LSAMP: variants seen among roughly 807,000 people sequenced by gnomAD.
LSAMP encodes limbic system associated membrane protein.
A neutral mutation model predicts 38.6 loss-of-function variants in LSAMP; 7 were observed. The ratio of observed to expected loss-of-function variants is 0.18; its 90% CI spans 0.10 to 0.34. The LOEUF is 0.34. Among genes scored for constraint, LSAMP ranks in the 10% least tolerant of loss-of-function variants. LSAMP has a pLI of 1.00. For missense variants in LSAMP, 313 were observed against 420.0 expected (o/e 0.75, Z 2.23); for synonymous variants, 154 against 166.8 (o/e 0.92, Z 0.59).
intron 1 of LSAMP, among the ~76,000 whole-genome samples, chr3:116,367,495 CTTTT>C (rs751600891): frequency 7.5e-6 from 1 of 133,350 alleles, no homozygotes; most frequent in Non-Finnish European, 1.6e-5. Flanking sequence ...TATTTTCTTC[CTTTT>C]TTTTTTTTTT....
chr3:116,339,779 T>C (rs1021412165), intron 1 of LSAMP, among the ~76,000 whole-genome samples: 13 of 152,006 alleles, frequency 8.6e-5, no homozygotes. Context: ...TTGGCTGACT[T>C]CCCCAGCTGA....
chr3:116,151,035 C>A (rs1305124663), intron 1 of LSAMP, among the ~76,000 whole-genome samples: 2 of 151,938 alleles, frequency 1.3e-5, no homozygotes, highest in African/African-American at 4.8e-5. Context: ...GGGGACATAG[C>A]CACTCCCTGT....
intron 1 of LSAMP, among the ~76,000 whole-genome samples, chr3:116,246,558 C>T (rs1001536697): frequency 3.3e-5 from 5 of 152,170 alleles, no homozygotes; most frequent in African/African-American, 1.2e-4. Context: ...CCTAGTTTGT[C>T]TGAGAAAATT....
intron 2 of LSAMP, among the ~76,000 whole-genome samples, chr3:116,060,980 C>G (rs576587994): frequency 2.0e-5 from 3 of 151,884 alleles, no homozygotes; most frequent in African/African-American, 7.2e-5. Context: ...AGTTTACTTT[C>G]TAGTAGACAG....
At chr3:116,098,910 T>C (rs982389192) in intron 1 of LSAMP, among the ~76,000 whole-genome samples, 1 of 152,238 alleles carries the variant, frequency 6.6e-6, no homozygotes, top group Non-Finnish European at 1.5e-5. Flanking sequence ...AAAGCCCATC[T>C]GGGAGAGCTC....
chr3:116,019,760 A>C, intron 2 of LSAMP, 120 bp from the exon 3 acceptor site: 1 of 1,118,870 alleles, frequency 8.9e-7, no homozygotes, highest in Admixed American at 1.8e-5. Context: ...TGTGTTAAGA[A>C]GTAGGATGCT....
intron 2 of LSAMP, among the ~76,000 whole-genome samples, chr3:116,026,092 T>G (rs1164325799): frequency 6.6e-6 from 1 of 152,142 alleles, no homozygotes; most frequent in Non-Finnish European, 1.5e-5. Context: ...GCCTACATAT[T>G]TTTTTTCTAT....
chr3:116,088,718 T>C (rs1206776267), intron 1 of LSAMP, among the ~76,000 whole-genome samples: 1 of 152,204 alleles, frequency 6.6e-6, no homozygotes, highest in Non-Finnish European at 1.5e-5. Context: ...ACATTATAGA[T>C]GTATTCTGAA....
intron 1 of LSAMP, among the ~76,000 whole-genome samples, chr3:116,090,243 A>G (rs903573527): frequency 2.6e-5 from 4 of 152,002 alleles, no homozygotes; most frequent in Non-Finnish European, 5.9e-5. Context: ...AAAGAAAAGA[A>G]AATATAGTAA....
At chr3:116,117,316 T>C (rs1303312554) in intron 1 of LSAMP, among the ~76,000 whole-genome samples, 1 of 152,130 alleles carries the variant, frequency 6.6e-6, no homozygotes, top group African/African-American at 2.4e-5. Context: ...TCCCCCCCTA[T>C]TCTTTCTTTA....
At chr3:116,055,324 A>C (rs921742423) in intron 2 of LSAMP, among the ~76,000 whole-genome samples, 1 of 152,210 alleles carries the variant, frequency 6.6e-6, no homozygotes, top group African/African-American at 2.4e-5. Flanking sequence ...ACCTGAAGCC[A>C]AAAGTGGGCA....
rs1329917130 is a variant in LSAMP, at chr3:116,205,992, T to A, written c.156-119436A>T. On this transcript the variant is annotated intron_variant, in intron 1 of 6. Coordinates refer to ENST00000490035, the MANE Select transcript of LSAMP (RefSeq NM_002338.5). ...CAGAAGGAATGGTACCAGTTCCTCC[T>A]TGTACCTCTGGTAGAATTCGGCTGT... 6.6e-5 allele frequency among the ~76,000 whole-genome samples: 10 copies of A among 151,838 alleles called. No individual in the cohort carries two copies. In the South Asian group the frequency reaches 8.3e-4, roughly 13 times the overall value.
intron 1 of LSAMP, among the ~76,000 whole-genome samples, chr3:116,430,047 G>C (rs964470429): frequency 6.6e-6 from 1 of 152,194 alleles, no homozygotes; most frequent in South Asian, 2.1e-4. Context: ...AGACGTAAGA[G>C]ATGAGGTCAG....
intron 3 of LSAMP, among the ~76,000 whole-genome samples, chr3:115,982,341 G>C (rs1295138216): frequency 6.6e-6 from 1 of 152,200 alleles, no homozygotes; most frequent in Non-Finnish European, 1.5e-5. Context: ...AGCTTGCCAA[G>C]TTCTCTACCT....
chr3:116,299,913 C>T lies in LSAMP; in HGVS notation c.155+144964G>A, dbSNP rs2047384692. Among the ~76,000 whole-genome samples the T allele has an allele frequency of 2.0e-5, 3 of 152,186 alleles. No individual in the cohort carries two copies. The South Asian group carries it at 6.2e-4, about 32-fold the overall frequency. ...GCCACAAGTCAGGTAAGCATTGAGC[C>T]TGACAGCTCAGGAAAATGACCCACT... On this transcript the variant is annotated intron_variant, in intron 1 of 6. Coordinates refer to ENST00000490035, the MANE Select transcript of LSAMP (RefSeq NM_002338.5).
At chr3:116,192,631 AAAG>A (rs1710779777) in intron 1 of LSAMP, among the ~76,000 whole-genome samples, 2 of 152,190 alleles carry the variant, frequency 1.3e-5, no homozygotes, top group African/African-American at 4.8e-5. Flanking sequence ...TGACACCTGG[AAAG>A]ATGGAAAATT....
rs1576230962 is a variant in LSAMP at position 116,444,786 on chromosome 3, A to G, written c.155+91T>C. ...TCAGGAGCTGGAGTTCAAGGAGATC[A>G]GACACACACACACACACACACACAA... is the stretch of plus-strand genomic sequence containing the variant. On this transcript the variant is annotated intron_variant, in intron 1 of 6. Transcript: ENST00000490035. 6.4e-6 allele frequency: 8 copies of G among 1,250,336 alleles called. No homozygotes were observed. In the African/African-American group the frequency reaches 1.6e-4, roughly 25 times the overall value. The allele number at this position is 1,250,336 out of a possible 1,614,324, so 77.5% of individuals were successfully genotyped here. A position where few individuals can be genotyped will look rare whatever the true frequency, so the allele number is the denominator to read the frequency against.
chr3:116,152,012 TCTGGTCTTGACCTCAGGCCTAC>T (rs536839510), intron 1 of LSAMP, among the ~76,000 whole-genome samples: 32 of 152,252 alleles, frequency 2.1e-4, no homozygotes, highest in Admixed American at 2.1e-3. Flanking sequence ...ATCTGATCTA[TCTGGTCTTGACCTCAGGCCTAC>T]CTAACTTATT....
chr3:116,176,402 AG>A (rs1390268657), intron 1 of LSAMP, among the ~76,000 whole-genome samples: 1 of 152,158 alleles, frequency 6.6e-6, no homozygotes, highest in Non-Finnish European at 1.5e-5. Flanking sequence ...CCATTGCCAA[AG>A]ATTATTGCAA....
Sources: allele counts gnomAD v4.1 joint callset (sites outside exome capture counted in the v4.1 genomes callset), GRCh38; gene constraint gnomAD v4.1.1; transcripts MANE v1.5; gene names NCBI Gene and HGNC (gene_info 2026-07-23, HGNC 2026-07-21).